The following GPC1 variants were observed in gnomAD, a reference collection of about 807,000 sequenced individuals.
The protein encoded by GPC1 is glypican 1.
Under a neutral mutation model 51.5 loss-of-function variants are expected in GPC1, and 26 were observed. The observed-to-expected ratio is 0.50, with a 90% CI of 0.37 to 0.70. The LOEUF is 0.70. Among genes scored for constraint, GPC1 ranks in the 30% least tolerant of loss-of-function variants. The pLI is 0.00. For synonymous variants in GPC1, 380 were observed against 348.3 expected (o/e 1.09, Z -1.01); for missense variants, 775 against 800.5 (o/e 0.97, Z 0.38).
intron 1 of GPC1, among the ~76,000 whole-genome samples, chr2:240,438,927 C>T (rs1462568923): frequency 6.6e-6 from 1 of 152,184 alleles, no homozygotes; most frequent in Non-Finnish European, 1.5e-5. Context: ...GGGCACGGCA[C>T]AGAAGGCAAG....
At chr2:240,449,003 G>A (rs946004806) in intron 1 of GPC1, among the ~76,000 whole-genome samples, 1 of 152,132 alleles carries the variant, frequency 6.6e-6, no homozygotes, top group South Asian at 2.1e-4. Context: ...ATCTGCCTTA[G>A]GGAGAAGTCT....
intron 1 of GPC1, chr2:240,452,718 T>C (rs2074111366): frequency 6.6e-6 from 1 of 151,048 alleles, no homozygotes; most frequent in Admixed American, 6.6e-5. Flanking sequence ...CGCCTGCGGT[T>C]TCCAGGGAGA....
At position 240,466,069 on chromosome 2, in the gene GPC1, AGCG is replaced by A; in HGVS notation, c.1459_1461del (p.Gly487del). On this transcript the variant is annotated inframe_deletion, in exon 9 of 9. Coordinates refer to ENST00000264039, the MANE Select transcript of GPC1 (RefSeq NM_002081.3). The stretch of plus-strand genomic sequence containing the variant: ...CCTCTCCTTCCCAGGTGACGACGGC[AGCG>A]GCTCGGGCAGCGGTGATGGCTGTCT... 1 of 1,609,898 alleles carries A rather than the reference AGCG, an allele frequency of 6.2e-7. No individual in the cohort carries two copies. The highest frequency in any genetic ancestry group is 8.5e-7 in the Non-Finnish European group (1 of 1,177,978).
chr2:240,458,470 AG>A (rs2074188665), intron 1 of GPC1: 3 of 187,442 alleles, frequency 1.6e-5, no homozygotes, highest in Admixed American at 1.0e-4. Context: ...GGGGCCTGCC[AG>A]CTGCACCAGA....
intron 1 of GPC1, chr2:240,458,346 A>T (rs1193593947): frequency 7.3e-6 from 2 of 274,360 alleles, no homozygotes; most frequent in Non-Finnish European, 7.5e-6. Context: ...ACTGCCTCGG[A>T]CGCTGGAGCA....
At position 240,459,197 on chromosome 2, in the gene GPC1, C is replaced by T. The variant is rs2074196420; in HGVS notation, c.325+9C>T. On this transcript the variant is annotated intron_variant, in intron 2 of 8. Coordinates refer to ENST00000264039, the MANE Select transcript of GPC1 (RefSeq NM_002081.3). The stretch of plus-strand genomic sequence containing the variant: ...GCTGCGCAGCTTCGATGGTGAGTGC[C>T]TCCCACGGGCGCTCGGGGCCCGCAG... The T allele has an allele frequency of 1.2e-6, 2 of 1,609,108 alleles. No homozygotes were observed. Among genetic ancestry groups the T allele is most frequent in the Non-Finnish European group, 1.7e-6 (2 of 1,178,074 alleles).
intron 1 of GPC1, chr2:240,456,083 A>G (rs71428439): frequency 0.12 from 40,303 of 342,110 alleles, 2,708 homozygotes; most frequent in East Asian, 0.17. Flanking sequence ...GTGCTGGGGC[A>G]GCTGGAACAA....
In GPC1 at chr2:240,464,653, A is replaced by T. The variant is rs761330859; in HGVS notation, c.921A>T (p.Thr307=). 10 of 1,612,522 alleles carry T rather than the reference A, an allele frequency of 6.2e-6. No individual in the cohort carries two copies. The highest frequency in any genetic ancestry group is 1.7e-6 in the Non-Finnish European group (2 of 1,179,628). The change falls in exon 5 of 9, where the codon ACA becomes ACT. Residue 307 remains threonine (T), a synonymous_variant. Transcript: ENST00000264039. ...TCATCACCGACAAGTTCTGGGGTACATCGGGTGTGGAGAGTGTCATCGGCA... is the reference window on the plus strand; with the variant it reads ...TCATCACCGACAAGTTCTGGGGTACTTCGGGTGTGGAGAGTGTCATCGGCA... The part of the protein sequence containing the change: ...MVLITDKFWG[T]SGVESVIGSV...
chr2:240,461,067 T>C (rs574591168), intron 2 of GPC1, among the ~76,000 whole-genome samples: 14 of 152,300 alleles, frequency 9.2e-5, no homozygotes, highest in Non-Finnish European at 1.9e-4. Flanking sequence ...ATTTGGCCCA[T>C]GGCCCTCTAG....
intron 1 of GPC1, among the ~76,000 whole-genome samples, chr2:240,436,995 C>G (rs903654834): frequency 3.3e-5 from 5 of 152,216 alleles, no homozygotes; most frequent in African/African-American, 4.8e-5. Context: ...TGCTAAGGAA[C>G]TCTTGGAACC....
intron 2 of GPC1, among the ~76,000 whole-genome samples, chr2:240,459,490 G>T (rs1220734177): frequency 3.9e-5 from 6 of 152,206 alleles, no homozygotes; most frequent in Non-Finnish European, 8.8e-5. Flanking sequence ...GTCACCAGCA[G>T]ATTCTCCTGA....
chr2:240,465,033 CG>C, intron 6 of GPC1, 43 bp from the exon 7 acceptor site: 1 of 1,575,698 alleles, frequency 6.3e-7, no homozygotes, highest in South Asian at 1.2e-5. Flanking sequence ...CAGGCAGAGG[CG>C]GGCGGGCCCT....
Position 240,441,592 on chromosome 2 carries a change from A to G in GPC1, c.166+5508A>G, listed in dbSNP as rs530334905. On this transcript the variant is annotated intron_variant, in intron 1 of 8. Transcript: ENST00000264039. ...CCTGGATCTTGCCAGTCGCCAGCAC[A>G]GCCCTGTGGGGCCCGGGATCTTGCC... Among the ~76,000 whole-genome samples, 3 of 152,318 alleles carry G rather than the reference A, an allele frequency of 2.0e-5. No individual in the cohort carries two copies. In the South Asian group the frequency reaches 6.2e-4, roughly 32 times the overall value.
intron 1 of GPC1, chr2:240,450,813 G>C: frequency 2.1e-6 from 1 of 468,996 alleles, no homozygotes; most frequent in Non-Finnish European, 4.4e-6. Flanking sequence ...GGCCGGCCTG[G>C]GTGCCAGGTA....
chr2:240,465,004 C>A, intron 6 of GPC1, 29 bp downstream of exon 6: 1 of 1,568,858 alleles, frequency 6.4e-7, no homozygotes, highest in Non-Finnish European at 8.6e-7. Flanking sequence ...TCCACTGGAC[C>A]AGGCATGAGG....
intron 1 of GPC1, among the ~76,000 whole-genome samples, chr2:240,443,200 T>G (rs546789442): frequency 6.6e-6 from 1 of 152,188 alleles, no homozygotes; most frequent in Non-Finnish European, 1.5e-5. Context: ...CCAGGTTGCG[T>G]TGCGGGAGCC....
chr2:240,443,798 GAGTCGGC>G (rs2074032691), intron 1 of GPC1, among the ~76,000 whole-genome samples: 1 of 152,190 alleles, frequency 6.6e-6, no homozygotes, highest in Non-Finnish European at 1.5e-5. Context: ...GGAGTTCCCA[GAGTCGGC>G]AGCACCAGGG....
chr2:240,456,449 G>C, intron 1 of GPC1: 1 of 384,810 alleles, frequency 2.6e-6, no homozygotes, highest in South Asian at 1.9e-5. Context: ...AGCTCACTCG[G>C]TTCCTGTGGC....
chr2:240,449,313 G>GCCCCCCCCCCCCCCCCCCC (rs11376903), intron 1 of GPC1: 2 of 141,044 alleles, frequency 1.4e-5, no homozygotes, highest in Non-Finnish European at 3.0e-5. Context: ...TCCGGCAGGC[G>GCCCCCCCCCCCCCCCCCCC]CCCCCCCCCA....
Sources: gnomAD v4.1 joint callset for allele counts (sites outside exome capture counted in the v4.1 genomes callset) on GRCh38, gnomAD v4.1.1 for gene constraint, MANE v1.5 for transcripts, NCBI Gene and HGNC (gene_info 2026-07-23, HGNC 2026-07-21) for gene names.